PCDH9: variants seen among roughly 807,000 people sequenced by gnomAD.
PCDH9 encodes protocadherin-9.
In PCDH9, 24 loss-of-function variants were observed where a neutral mutation model predicts 70.6. That is an observed-to-expected ratio of 0.34 (90% CI 0.25 to 0.48). The LOEUF (loss-of-function observed/expected upper bound fraction) is 0.48, where lower values mean the gene tolerates loss of function less well. Ranked by LOEUF, PCDH9 falls within the 20% of genes least tolerant of loss-of-function variation. The pLI, the probability that PCDH9 is intolerant of heterozygous loss-of-function variation, is 0.99. For missense variants in PCDH9, 1,281 were observed against 1,503.6 expected, an observed-to-expected ratio of 0.85 and a Z score of 2.45; for synonymous variants, 562 against 558.5, an observed-to-expected ratio of 1.01 and a Z score of -0.09.
At chr13:66,563,544 ATCTCCTTAT>A (rs548890385) in intron 4 of PCDH9, among the ~76,000 whole-genome samples, 6 of 151,996 alleles carry the variant, frequency 3.9e-5, no homozygotes, top group Non-Finnish European at 8.8e-5. Flanking sequence ...ATAAAACCTG[ATCTCCTTAT>A]TTCCAGAACA....
At chr13:66,433,758 A>C (rs1022617395) in intron 4 of PCDH9, among the ~76,000 whole-genome samples, 5 of 151,882 alleles carry the variant, frequency 3.3e-5, no homozygotes, top group Admixed American at 6.6e-5. Flanking sequence ...TACTTAAGTT[A>C]GAGAAAATAT....
intron 4 of PCDH9, among the ~76,000 whole-genome samples, chr13:66,361,592 C>T (rs545408101): frequency 2.0e-5 from 3 of 151,850 alleles, no homozygotes; most frequent in East Asian, 1.9e-4. Flanking sequence ...AATGAGATTT[C>T]GAAATTGAGC....
chr13:66,579,436 G>A (rs1385585671), intron 4 of PCDH9, among the ~76,000 whole-genome samples: 1 of 151,996 alleles, frequency 6.6e-6, no homozygotes, highest in African/African-American at 2.4e-5. Context: ...ACATTAATTT[G>A]TTGAAGGTCA....
intron 4 of PCDH9, among the ~76,000 whole-genome samples, chr13:66,420,743 G>T (rs1957552179): frequency 6.6e-6 from 1 of 152,088 alleles, no homozygotes; most frequent in African/African-American, 2.4e-5. Flanking sequence ...AGCACAAAAA[G>T]CTGAAAATTC....
chr13:67,158,109 G>A (rs2138408819), intron 2 of PCDH9, among the ~76,000 whole-genome samples: 1 of 152,262 alleles, frequency 6.6e-6, no homozygotes, highest in African/African-American at 2.4e-5. Context: ...TCACATGCAA[G>A]CTTTCGTGAT....
At chr13:67,082,615 G>A (rs2086007635) in intron 2 of PCDH9, among the ~76,000 whole-genome samples, 2 of 152,040 alleles carry the variant, frequency 1.3e-5, no homozygotes, top group Admixed American at 1.3e-4. Context: ...TGCTTAATAT[G>A]TCTCTGAATT....
Position 66,631,273 on chromosome 13 carries a change from A to T in PCDH9, c.3277T>A (p.Phe1093Ile). 6.2e-7 allele frequency: 1 copy of T among 1,611,298 alleles called. No homozygotes were observed. The highest frequency in any genetic ancestry group is 1.3e-5 in the African/African-American group (1 of 74,956). Residue 1093 changes from phenylalanine to isoleucine, a missense_variant, in exon 4 of 5, where the codon TTC (phenylalanine) becomes ATC (isoleucine). Phe to Ile is a conservative substitution (Grantham distance 21, BLOSUM62 0). Around this residue, in one of 4 missense-constraint regions of PCDH9, gnomAD observed 264 missense variants for 278.8 expected, o/e 0.95. Transcript: ENST00000377865. ...PLPLVQPQDEFYDQASPDKRT... is the reference protein window; with the variant it reads ...PLPLVQPQDEIYDQASPDKRT... ...TTGTCCGGAGAGGCCTGGTCATAGA[A>T]TTCGTCCTGTGGCTGAACCAGAGGA...
chr13:66,452,876 T>A (rs1449237791), intron 4 of PCDH9, among the ~76,000 whole-genome samples: 1 of 152,006 alleles, frequency 6.6e-6, no homozygotes, highest in Non-Finnish European at 1.5e-5. Flanking sequence ...TTCATAAATA[T>A]CCCTTCTCAC....
chr13:66,669,461 A>G (rs1195571250), intron 3 of PCDH9, among the ~76,000 whole-genome samples: 1 of 152,168 alleles, frequency 6.6e-6, no homozygotes. Flanking sequence ...AGAGCCAAGT[A>G]TTCTGTCACT....
Position 66,638,769 on chromosome 13 carries a change from T to C in PCDH9, c.3139-7358A>G, listed in dbSNP as rs78364285. Among the ~76,000 whole-genome samples the C allele has an allele frequency of 8.7e-3, 1,329 of 152,238 alleles. 24 individuals are homozygous for C. The highest frequency in any genetic ancestry group is 0.03 in the African/African-American group (1,241 of 41,552). On this transcript the variant is annotated intron_variant, in intron 3 of 4. Transcript: ENST00000377865. ...TAAAGGGGACAGAGTAGAAACGAAATATTATTGTCCATCCTTCAGTGTGAT... is the reference window on the plus strand; with the variant it reads ...TAAAGGGGACAGAGTAGAAACGAAACATTATTGTCCATCCTTCAGTGTGAT...
intron 3 of PCDH9, among the ~76,000 whole-genome samples, chr13:66,634,835 A>T (rs994580884): frequency 2.0e-5 from 3 of 152,082 alleles, no homozygotes; most frequent in African/African-American, 7.2e-5. Context: ...GAAATATGTG[A>T]TCCACAGAAT....
chr13:66,459,974 G>T (rs1260630988), intron 4 of PCDH9, among the ~76,000 whole-genome samples: 1 of 151,822 alleles, frequency 6.6e-6, no homozygotes, highest in Admixed American at 6.6e-5. Flanking sequence ...ATTTAAAGAG[G>T]ATCTGTTTTC....
intron 4 of PCDH9, among the ~76,000 whole-genome samples, chr13:66,337,009 A>T (rs892376297): frequency 6.6e-6 from 1 of 151,780 alleles, no homozygotes; most frequent in African/African-American, 2.4e-5. Context: ...CCTTATAATA[A>T]TTTTTTTTCT....
chr13:67,025,879 C>T (rs902695591), intron 2 of PCDH9, among the ~76,000 whole-genome samples: 2 of 152,064 alleles, frequency 1.3e-5, no homozygotes, highest in East Asian at 1.9e-4. Context: ...ATTTATATAT[C>T]ATTTATGCAT....
At chr13:66,871,568 T>G (rs2081687248) in intron 3 of PCDH9, among the ~76,000 whole-genome samples, 1 of 152,058 alleles carries the variant, frequency 6.6e-6, no homozygotes, top group Admixed American at 6.6e-5. Flanking sequence ...ACTTATTGCT[T>G]ATTAATTATC....
chr13:66,540,875 A>C (rs1377962666), intron 4 of PCDH9, among the ~76,000 whole-genome samples: 1 of 152,164 alleles, frequency 6.6e-6, no homozygotes, highest in Non-Finnish European at 1.5e-5. Context: ...CTTTGGTTGC[A>C]GTGTGACTCT....
chr13:66,888,426 T>G (rs2082043494), intron 3 of PCDH9, among the ~76,000 whole-genome samples: 1 of 151,738 alleles, frequency 6.6e-6, no homozygotes, highest in African/African-American at 2.4e-5. Flanking sequence ...TGCTTGAGCC[T>G]GCACCAAGGA....
In PCDH9 at chr13:66,721,646, ACT is replaced by A. The variant is rs1330383724; in HGVS notation, c.3139-90237_3139-90236del. Among the ~76,000 whole-genome samples the A allele has an allele frequency of 4.0e-5, 6 of 151,706 alleles. No homozygotes were observed. In the East Asian group the frequency reaches 9.7e-4, roughly 24 times the overall value. The stretch of plus-strand genomic sequence containing the variant: ...TTAGAGAACAATATATACATTTAAA[ACT>A]CTCTGCATTTCAGCTGGCAATATAC... On this transcript the variant is annotated intron_variant, in intron 3 of 4. Coordinates refer to ENST00000377865, the MANE Select transcript of PCDH9 (RefSeq NM_203487.3).
chr13:66,561,007 C>T (rs1392898861), intron 4 of PCDH9, among the ~76,000 whole-genome samples: 1 of 152,218 alleles, frequency 6.6e-6, no homozygotes, highest in African/African-American at 2.4e-5. Context: ...TGTGGGAGCC[C>T]CTTTCTGGGC....
Sources: allele counts gnomAD v4.1 joint callset (sites outside exome capture counted in the v4.1 genomes callset), GRCh38; gene constraint gnomAD v4.1.1; regional missense constraint gnomAD v4.1.1; transcripts MANE v1.5; gene names NCBI Gene and HGNC (gene_info 2026-07-23, HGNC 2026-07-21).